SVIL: variants seen among roughly 807,000 people sequenced by gnomAD.
SVIL encodes supervillin.
In SVIL, 101 loss-of-function variants were observed where a neutral mutation model predicts 240.4. The observed-to-expected ratio is 0.42, with a 90% CI of 0.36 to 0.50. The LOEUF (loss-of-function observed/expected upper bound fraction) is 0.50, where lower values mean the gene tolerates loss of function less well. Ranked by LOEUF, SVIL falls within the 20% of genes least tolerant of loss-of-function variation. The probability of loss-of-function intolerance (pLI) is 0.01; values close to 1 mark genes in which losing one functional copy is unlikely to be tolerated. For missense variants in SVIL, 2,512 were observed against 2,818.7 expected, an observed-to-expected ratio of 0.89 and a Z score of 2.46; for synonymous variants, 999 against 1,100.0, an observed-to-expected ratio of 0.91 and a Z score of 1.82.
chr10:29,515,608 C>G (rs1950151152), intron 16 of SVIL, among the ~76,000 whole-genome samples: 1 of 152,224 alleles, frequency 6.6e-6, no homozygotes, highest in African/African-American at 2.4e-5. Context: ...GCTTCTCTCA[C>G]TTCACCTTCC....
intron 1 of SVIL, among the ~76,000 whole-genome samples, chr10:29,705,089 T>C (rs984837972): frequency 6.6e-6 from 1 of 152,154 alleles, no homozygotes; most frequent in Non-Finnish European, 1.5e-5. Context: ...TATAGTAATA[T>C]AAACCTTGAA....
At chr10:29,721,260 A>ACAAACAAAC (rs56355102) in intron 1 of SVIL, among the ~76,000 whole-genome samples, 3 of 98,962 alleles carry the variant, frequency 3.0e-5, no homozygotes, top group East Asian at 2.4e-4. Flanking sequence ...AAACAAACAA[A>ACAAACAAAC]AAAACACCTC....
intron 34 of SVIL, 22 bp from the exon 35 acceptor site, chr10:29,463,657 C>G: frequency 1.2e-6 from 2 of 1,611,072 alleles, no homozygotes; most frequent in East Asian, 2.2e-5. Flanking sequence ...GGGACAGGGC[C>G]AGACCATCAG....
Position 29,462,377 on chromosome 10 carries a change from G to C in SVIL, c.6302C>G (p.Pro2101Arg), listed in dbSNP as rs1374576810. ...CKGKNLKKPA[P>R]KSYLIHAGLE... ...ACCAGCGTGGATAAGGTAAGACTTG[G>C]GGGCTGGTTTCTTGAGATTTTTTCC... is the stretch of plus-strand genomic sequence containing the variant. The change falls in exon 36 of 38, where the codon CCC becomes CGC. Residue 2101 changes from proline to arginine, a missense_variant. By Grantham distance (103) the Pro-to-Arg change is moderately radical. Coordinates refer to ENST00000355867, the MANE Select transcript of SVIL (RefSeq NM_021738.3). 3 of 1,614,038 alleles carry C rather than the reference G, an allele frequency of 1.9e-6. No homozygotes were observed. Among genetic ancestry groups the C allele is most frequent in the East Asian group, 2.2e-5 (1 of 44,894 alleles).
intron 3 of SVIL, among the ~76,000 whole-genome samples, chr10:29,643,419 T>C (rs991395029): frequency 6.6e-6 from 1 of 152,182 alleles, no homozygotes; most frequent in Non-Finnish European, 1.5e-5. Context: ...AGACTTGGAA[T>C]CATTTCCTTT....
intron 12 of SVIL, among the ~76,000 whole-genome samples, chr10:29,528,341 G>C (rs753047176): frequency 1.3e-5 from 2 of 152,138 alleles, no homozygotes; most frequent in Non-Finnish European, 2.9e-5. Context: ...CTGACATAGA[G>C]GCCTTTTGGG....
At chr10:29,651,281 A>G (rs1016502433) in intron 3 of SVIL, among the ~76,000 whole-genome samples, 4 of 152,174 alleles carry the variant, frequency 2.6e-5, no homozygotes, top group African/African-American at 9.7e-5. Context: ...AAGATCCAAG[A>G]GCAATTTTTC....
chr10:29,480,496 C>G, intron 29 of SVIL, 41 bp downstream of exon 29: 16 of 1,602,990 alleles, frequency 1.0e-5, no homozygotes, highest in Non-Finnish European at 1.4e-5. Flanking sequence ...GCTGCCGGGC[C>G]AGCCTCTTTC....
At chr10:29,666,399 A>T (rs1959296799) in intron 2 of SVIL, among the ~76,000 whole-genome samples, 1 of 152,238 alleles carries the variant, frequency 6.6e-6, no homozygotes, top group African/African-American at 2.4e-5. Context: ...TGGGGCAAAA[A>T]GGATCTTTGT....
intron 16 of SVIL, among the ~76,000 whole-genome samples, chr10:29,518,701 CA>C (rs1950373108): frequency 2.0e-5 from 3 of 152,200 alleles, no homozygotes; most frequent in African/African-American, 7.2e-5. Flanking sequence ...ACTAAAAATG[CA>C]AAAATTAGCT....
chr10:29,561,988 C>T (rs1564643313), intron 3 of SVIL, among the ~76,000 whole-genome samples: 1 of 152,196 alleles, frequency 6.6e-6, no homozygotes, highest in East Asian at 1.9e-4. Context: ...GACTGTGTCT[C>T]GGCCTATCAC....
chr10:29,676,065 C>G (rs1215008012), intron 2 of SVIL, among the ~76,000 whole-genome samples: 3 of 152,172 alleles, frequency 2.0e-5, no homozygotes, highest in African/African-American at 4.8e-5. Flanking sequence ...TCCTGTTGAC[C>G]AATTCCTCAT....
chr10:29,660,021 T>C (rs1218125171), intron 2 of SVIL, among the ~76,000 whole-genome samples: 1 of 151,946 alleles, frequency 6.6e-6, no homozygotes, highest in Non-Finnish European at 1.5e-5. Flanking sequence ...AGAAAACTAC[T>C]CAAAAAGAAA....
intron 1 of SVIL, among the ~76,000 whole-genome samples, chr10:29,602,943 A>G (rs1956871864): frequency 1.3e-5 from 2 of 152,050 alleles, no homozygotes; most frequent in Admixed American, 1.3e-4. Flanking sequence ...CCATGATCAC[A>G]CCATTGCATT....
At chr10:29,527,724 CTTT>C (rs1213694531) in intron 12 of SVIL, among the ~76,000 whole-genome samples, 1 of 99,896 alleles carries the variant, frequency 1.0e-5, no homozygotes, top group Non-Finnish European at 2.0e-5. Flanking sequence ...TGGGCCCAGC[CTTT>C]TTTTTTTTTT....
chr10:29,499,085 ACAC>A, intron 18 of SVIL, 28 bp downstream of exon 18: 1 of 1,597,924 alleles, frequency 6.3e-7, no homozygotes, highest in South Asian at 1.1e-5. Context: ...CATTGTGCAC[ACAC>A]CACACACATG....
chr10:29,480,407 G>A, intron 29 of SVIL, 130 bp downstream of exon 29: 1 of 1,168,622 alleles, frequency 8.6e-7, no homozygotes. Context: ...GCTCTCAAAG[G>A]CGCATGACTG....
intron 6 of SVIL, among the ~76,000 whole-genome samples, chr10:29,543,972 T>C (rs1952399322): frequency 1.3e-5 from 2 of 152,204 alleles, no homozygotes; most frequent in African/African-American, 4.8e-5. Flanking sequence ...AGCAACTGGC[T>C]GGCAGAGAAT....
chr10:29,660,394 T>C (rs1959122982), intron 2 of SVIL, among the ~76,000 whole-genome samples: 1 of 152,102 alleles, frequency 6.6e-6, no homozygotes, highest in Non-Finnish European at 1.5e-5. Flanking sequence ...AGAGGATCAA[T>C]TGAGCCCAGG....
Sources: allele counts gnomAD v4.1 joint callset (sites outside exome capture counted in the v4.1 genomes callset), GRCh38; gene constraint gnomAD v4.1.1; transcripts MANE v1.5; gene names NCBI Gene and HGNC (gene_info 2026-07-23, HGNC 2026-07-21).